The following SLC17A9 variants were observed in gnomAD, a reference collection of about 807,000 sequenced individuals.
The protein encoded by SLC17A9 is solute carrier family 17 member 9.
Under a neutral mutation model 55.0 loss-of-function variants are expected in SLC17A9, and 49 were observed. The observed-to-expected ratio is 0.89, with a 90% CI of 0.71 to 1.13. The LOEUF is 1.13. SLC17A9 is among the 50% of genes most tolerant of loss of function. The probability of loss-of-function intolerance (pLI) is 0.00; values close to 1 mark genes in which losing one functional copy is unlikely to be tolerated. For synonymous variants in SLC17A9, 256 were observed against 247.4 expected (o/e 1.03, Z -0.32); for missense variants, 526 against 569.3 (o/e 0.92, Z 0.77).
intron 3 of SLC17A9, among the ~76,000 whole-genome samples, chr20:62,959,078 C>CG (rs1024861302): frequency 6.6e-6 from 1 of 152,036 alleles, no homozygotes; most frequent in Non-Finnish European, 1.5e-5. Flanking sequence ...ACAGGCCTGG[C>CG]GGGGGGTGGG....
rs372321252 is a variant in SLC17A9 at position 62,964,218 on chromosome 20, C to T, written c.823-10C>T. 6 of 1,613,894 alleles carry T rather than the reference C, an allele frequency of 3.7e-6. No individual in the cohort carries two copies. Among genetic ancestry groups the T allele is most frequent in the East Asian group, 2.2e-5 (1 of 44,872 alleles). ...CCTGGCCCCCTCTAAGGCCAAACTC[C>T]CCCCTGCAGGGCTGGATCTTCAACG... On this transcript the variant is annotated splice_polypyrimidine_tract_variant and intron_variant, in intron 7 of 12. Coordinates refer to ENST00000370351, the MANE Select transcript of SLC17A9 (RefSeq NM_022082.4).
At position 62,963,635 on chromosome 20, in the gene SLC17A9, C is replaced by G. The variant is rs766610851; in HGVS notation, c.777C>G (p.Leu259=). The G allele has an allele frequency of 2.0e-5, 32 of 1,603,674 alleles. No homozygotes were observed. The Admixed American group carries it at 5.3e-4, about 26-fold the overall frequency. Residue 259 remains leucine (L), a synonymous_variant, in exon 7 of 13, where the codon CTC becomes CTG. Transcript: ENST00000370351. The part of the protein sequence containing the change: ...LSAACSFFIL[L]SWLPTFFEET... ...CAGCCTGCTCCTTCTTCATCCTCCTCTCCTGGCTGCCCACCTTCTTCGAGG... is the reference window on the plus strand; with the variant it reads ...CAGCCTGCTCCTTCTTCATCCTCCTGTCCTGGCTGCCCACCTTCTTCGAGG...
At chr20:62,957,659 G>A (rs754369664) in intron 3 of SLC17A9, 79 bp downstream of exon 3, 42 of 1,272,196 alleles carry the variant, frequency 3.3e-5, no homozygotes, top group Non-Finnish European at 4.0e-5. Flanking sequence ...GGATGTGTGT[G>A]CAGGTGCATG....
At position 62,954,282 on chromosome 20, in the gene SLC17A9, C is replaced by T. The variant is rs150215537; in HGVS notation, c.59+1393C>T. ...GCCACACGCACGCCTTTTCCTAGCC[C>T]GCCCTCCTGCAGCCACATCACAAAG... On this transcript the variant is annotated intron_variant, in intron 1 of 12. Coordinates refer to ENST00000370351, the MANE Select transcript of SLC17A9 (RefSeq NM_022082.4). 3.2e-3 allele frequency among the ~76,000 whole-genome samples: 482 copies of T among 152,320 alleles called. 1 individual carries two copies. The highest frequency in any genetic ancestry group is 0.011 in the African/African-American group (456 of 41,572).
chr20:62,964,887 T>G (rs922979378), intron 8 of SLC17A9: 50 of 555,260 alleles, frequency 9.0e-5, no homozygotes, highest in Non-Finnish European at 1.5e-4. Context: ...AACTGCTGTG[T>G]GGCTGTTCTG....
intron 1 of SLC17A9, among the ~76,000 whole-genome samples, chr20:62,953,907 C>T (rs773610140): frequency 1.2e-4 from 18 of 152,242 alleles, no homozygotes; most frequent in Non-Finnish European, 2.2e-4. Context: ...CTGCCCTCAG[C>T]GGGCCCTGCC....
intron 12 of SLC17A9, chr20:62,967,054 G>T (rs570713163): frequency 3.5e-6 from 2 of 572,382 alleles, no homozygotes; most frequent in East Asian, 5.9e-5. Flanking sequence ...GCTCAGCCTC[G>T]CCTGGGCCGG....
chr20:62,963,121 G>A (rs893840729), intron 5 of SLC17A9, 152 bp from the exon 6 acceptor site: 6 of 768,822 alleles, frequency 7.8e-6, no homozygotes, highest in Non-Finnish European at 1.3e-5. Flanking sequence ...GTCTGGTAGG[G>A]GAGGCCAAGG....
chr20:62,965,140 G>C lies in SLC17A9; in HGVS notation c.919G>C (p.Ala307Pro), dbSNP rs2065623923. The change falls in exon 9 of 13, where the codon GCC becomes CCC. Residue 307 changes from alanine (A) to proline (P), a missense_variant. Ala to Pro is a conservative substitution (Grantham distance 27). Coordinates refer to ENST00000370351, the MANE Select transcript of SLC17A9 (RefSeq NM_022082.4). ...TTGGCCTCCCCCTGTAGGTTACAGAGCCATCACGGTGCGGAAGCTCATGCA... is the reference window on the plus strand; with the variant it reads ...TTGGCCTCCCCCTGTAGGTTACAGACCCATCACGGTGCGGAAGCTCATGCA... The part of the protein sequence containing the change: ...SDHLINQGYR[A>P]ITVRKLMQGM... The C allele has an allele frequency of 6.2e-7, 1 of 1,613,998 alleles. No homozygotes were observed. Among genetic ancestry groups the C allele is most frequent in the Non-Finnish European group, 8.5e-7 (1 of 1,180,038 alleles).
At position 62,963,739 on chromosome 20, in the gene SLC17A9, C is replaced by T. The variant is rs2065610460; in HGVS notation, c.822+59C>T. Reference sequence around the variant, plus strand: ...CCCAGAAGGCACGAGGCTTGAGCTGCACCAGGCACTGTGGGTCCTTGGCCT... The same window carrying T: ...CCCAGAAGGCACGAGGCTTGAGCTGTACCAGGCACTGTGGGTCCTTGGCCT... On this transcript the variant is annotated intron_variant, in intron 7 of 12. Coordinates refer to ENST00000370351, the MANE Select transcript of SLC17A9 (RefSeq NM_022082.4). 1.3e-5 allele frequency: 19 copies of T among 1,472,270 alleles called. No individual in the cohort carries two copies. In the South Asian group the frequency reaches 2.2e-4, roughly 17 times the overall value. The allele number at this position is 1,472,270 out of a possible 1,614,324, so 91.2% of individuals were successfully genotyped here.
intron 1 of SLC17A9, chr20:62,953,206 G>T: frequency 6.4e-7 from 1 of 1,550,428 alleles, no homozygotes; most frequent in Non-Finnish European, 8.7e-7. Flanking sequence ...CATACCCCTC[G>T]CCAGGTGGAA....
intron 10 of SLC17A9, among the ~76,000 whole-genome samples, chr20:62,966,033 G>A (rs1482791612): frequency 6.8e-6 from 1 of 148,012 alleles, no homozygotes; most frequent in Non-Finnish European, 1.5e-5. Flanking sequence ...GGTTGGCATG[G>A]TGTGCAGGGC....
At position 62,958,138 on chromosome 20, in the gene SLC17A9, C is replaced by T. The variant is rs777958942; in HGVS notation, c.397+558C>T. Among the ~76,000 whole-genome samples, 3 of 152,104 alleles carry T rather than the reference C, an allele frequency of 2.0e-5. No homozygotes were observed. The highest frequency in any genetic ancestry group is 2.9e-5 in the Non-Finnish European group (2 of 68,016). On this transcript the variant is annotated intron_variant, in intron 3 of 12. Transcript: ENST00000370351. The surrounding 1 kb of genome is among the most constrained non-coding windows in gnomAD (Gnocchi z 4.1). Reference sequence around the variant, plus strand: ...GTATGCGTGCCCATATGCGTGTGTACGTGCGTGAGTGTGCCCGTATGAGGG... The same window carrying T: ...GTATGCGTGCCCATATGCGTGTGTATGTGCGTGAGTGTGCCCGTATGAGGG...
chr20:62,966,057 C>T (rs1200441583), intron 10 of SLC17A9, among the ~76,000 whole-genome samples: 1 of 146,562 alleles, frequency 6.8e-6, no homozygotes, highest in Non-Finnish European at 1.5e-5. Flanking sequence ...AGTGCTCTGG[C>T]CAGTGGGTGG....
chr20:62,963,594 G>C lies in SLC17A9; in HGVS notation c.736G>C (p.Val246Leu), dbSNP rs776491064. The C allele has an allele frequency of 6.3e-7, 1 of 1,595,394 alleles. No individual in the cohort carries two copies. Among genetic ancestry groups the C allele is most frequent in the East Asian group, 2.3e-5 (1 of 44,186 alleles). Residue 246 changes from valine (V) to leucine (L), a missense_variant, in exon 7 of 13, where the codon GTC (valine) becomes CTC (leucine). Coordinates refer to ENST00000370351, the MANE Select transcript of SLC17A9 (RefSeq NM_022082.4). ...FRKPAVWAAV[V>L]SQLSAACSFF... ...CATTGGGCCCCGCAGGGCAGCCGTC[G>C]TCTCCCAGCTCTCTGCAGCCTGCTC...
At position 62,968,979 on chromosome 20, in the gene SLC17A9, C is replaced by T. The variant is rs2065662109; in HGVS notation, c.*1479C>T. The T allele has an allele frequency of 6.6e-6, 1 of 152,302 alleles. No individual in the cohort carries two copies. The highest frequency in any genetic ancestry group is 1.5e-5 in the Non-Finnish European group (1 of 68,096). 9.4% of individuals were successfully genotyped at this position (152,302 alleles called of 1,614,324 possible). ...ATCTCTCCAGTTTCGGTCAGCCCAA[C>T]CCTGTGGCACCATGGGTACAGCCTA... is the stretch of plus-strand genomic sequence containing the variant. On this transcript the variant is annotated 3_prime_UTR_variant, in exon 13 of 13. Transcript: ENST00000370351.
Position 62,962,642 on chromosome 20 carries a change from G to T in SLC17A9, c.516G>T (p.Ala172=), listed in dbSNP as rs371362253. 1 of 1,613,982 alleles carries T rather than the reference G, an allele frequency of 6.2e-7. No homozygotes were observed. Among genetic ancestry groups the T allele is most frequent in the Non-Finnish European group, 8.5e-7 (1 of 1,179,882 alleles). ...TTTGCAGGACGCTGCTGACCGGGGC[G>T]GTGGGCTCCCTGCTCCTGGAATGGT... ...GSQFGTLLTG[A]VGSLLLEWYG... is the part of the protein sequence containing the mutation. Residue 172 remains alanine, a synonymous_variant, in exon 5 of 13, where the codon GCG becomes GCT. Coordinates refer to ENST00000370351, the MANE Select transcript of SLC17A9 (RefSeq NM_022082.4). This position sits in a 1 kb window ranked among gnomAD's most constrained non-coding sequence, Gnocchi z 5.5.
chr20:62,963,141 G>A (rs3729555), intron 5 of SLC17A9, 132 bp from the exon 6 acceptor site: 268,548 of 895,992 alleles, frequency 0.3, 41,389 homozygotes, highest in Non-Finnish European at 0.32. Flanking sequence ...GGAGGCTGGC[G>A]CCCATGTGCA....
At chr20:62,963,810 GCACTGCC>G in intron 7 of SLC17A9, 130 bp downstream of exon 7, 4 of 816,722 alleles carry the variant, frequency 4.9e-6, no homozygotes, top group Non-Finnish European at 5.8e-6. Flanking sequence ...GAGGGTCCTG[GCACTGCC>G]AGGCTCTTCC....
Sources: allele counts gnomAD v4.1 joint callset (sites outside exome capture counted in the v4.1 genomes callset), GRCh38; gene constraint gnomAD v4.1.1; non-coding constraint Gnocchi (gnomAD v3.1); transcripts MANE v1.5; gene names NCBI Gene and HGNC (gene_info 2026-07-23, HGNC 2026-07-21).